Variants in MYLK3 observed in about 807,000 individuals in gnomAD.
MYLK3 encodes MLC kinase.
MYLK3 carries 55 observed loss-of-function variants against 76.3 expected under a neutral mutation model. That is an observed-to-expected ratio of 0.72 (90% CI 0.58 to 0.90). MYLK3 has a LOEUF of 0.90. Among genes scored for constraint, MYLK3 ranks in the 40% least tolerant of loss-of-function variants. The probability of loss-of-function intolerance (pLI) is 0.00; values close to 1 mark genes in which losing one functional copy is unlikely to be tolerated. For missense variants in MYLK3, 973 were observed against 1,053.6 expected, an observed-to-expected ratio of 0.92 and a Z score of 1.06; for synonymous variants, 416 against 425.4, an observed-to-expected ratio of 0.98 and a Z score of 0.27.
At chr16:46,723,963 T>C in intron 8 of MYLK3, among the ~76,000 whole-genome samples, 1 of 152,204 alleles carries the variant, frequency 6.6e-6, no homozygotes. Context: ...ACACTTTTTA[T>C]TGTCTGTCAT....
Position 46,762,428 on chromosome 16 carries a change from C to T in MYLK3, c.-114+612G>A, listed in dbSNP as rs180693391. On this transcript the variant is annotated intron_variant, in intron 1 of 11. Coordinates refer to the MYLK3 transcript ENST00000536476. ...GAGGAATTATTCTAGACAGATGATA[C>T]GCCTAAGAGACAGGTTTAACTAACC... Among the ~76,000 whole-genome samples the T allele has an allele frequency of 3.3e-5, 5 of 152,216 alleles. 1 individual carries two copies. Among genetic ancestry groups the T allele is most frequent in the East Asian group, 1.9e-4 (1 of 5,186 alleles).
At chr16:46,737,014 T>C (rs909589749) in intron 3 of MYLK3, among the ~76,000 whole-genome samples, 3 of 152,210 alleles carry the variant, frequency 2.0e-5, no homozygotes, top group Admixed American at 2.0e-4. Context: ...TGCTGAAAGC[T>C]CCTGGGGCTG....
Position 46,738,008 on chromosome 16 carries a change from G to A in MYLK3, c.704C>T (p.Ala235Val), listed in dbSNP as rs1308718094. The A allele has an allele frequency of 3.1e-6, 5 of 1,613,404 alleles. No individual in the cohort carries two copies. In the South Asian group the frequency reaches 4.4e-5, roughly 14 times the overall value. ...QGDGVPGPAQ[A>V]FPGHLPLPTK... ...GGGCAGGGGCAGGTGGCCAGGGAATGCCTGGGCTGGGCCAGGAACACCATC... is the reference window on the plus strand; with the variant it reads ...GGGCAGGGGCAGGTGGCCAGGGAATACCTGGGCTGGGCCAGGAACACCATC... Residue 235 changes from alanine (A) to valine (V), a missense_variant, in exon 3 of 13, where the codon GCA becomes GTA. By Grantham distance (64) the Ala-to-Val change is moderately conservative (BLOSUM62 0). Transcript: ENST00000394809.
intron 1 of MYLK3, among the ~76,000 whole-genome samples, chr16:46,746,573 A>G (rs1455358577): frequency 6.6e-6 from 1 of 152,114 alleles, no homozygotes; most frequent in African/African-American, 2.4e-5. Context: ...GGTTTGTGCC[A>G]CAATGCCTGG....
intron 1 of MYLK3, among the ~76,000 whole-genome samples, chr16:46,741,543 T>C (rs1344412329): frequency 6.6e-6 from 1 of 152,204 alleles, no homozygotes; most frequent in Non-Finnish European, 1.5e-5. Context: ...TCCTGGCACA[T>C]GTTACAGCAG....
intron 8 of MYLK3, among the ~76,000 whole-genome samples, chr16:46,723,859 G>A (rs1277259388): frequency 6.6e-6 from 1 of 152,206 alleles, no homozygotes; most frequent in Non-Finnish European, 1.5e-5. Context: ...ATGTTGGTCA[G>A]GCTGGGCTCA....
intron 12 of MYLK3, 72 bp from the exon 13 acceptor site, chr16:46,707,835 T>C (rs1966642137): frequency 3.5e-6 from 4 of 1,157,932 alleles, no homozygotes; most frequent in Admixed American, 2.0e-5. Context: ...GAAGAAACAA[T>C]AAAAGGATTT....
chr16:46,724,227 A>G lies in MYLK3; in HGVS notation c.1914+3009T>C, dbSNP rs114150084. 7.8e-3 allele frequency among the ~76,000 whole-genome samples: 1,192 copies of G among 152,268 alleles called. 15 individuals are homozygous for G. Among genetic ancestry groups the G allele is most frequent in the African/African-American group, 0.027 (1,138 of 41,538 alleles). On this transcript the variant is annotated intron_variant, in intron 8 of 12. Transcript: ENST00000394809. ...ATCCTTTATCTGATATATGATTTGGAAATATTTTCTCCCATTCTGTGAGCT... is the reference window on the plus strand; with the variant it reads ...ATCCTTTATCTGATATATGATTTGGGAATATTTTCTCCCATTCTGTGAGCT...
rs947170995 is a variant in MYLK3 at position 46,702,657 on chromosome 16, C to T, written c.*5047G>A. Among the ~76,000 whole-genome samples, 2 of 152,186 alleles carry T rather than the reference C, an allele frequency of 1.3e-5. No individual in the cohort carries two copies. Among genetic ancestry groups the T allele is most frequent in the Non-Finnish European group, 1.5e-5 (1 of 68,034 alleles). On this transcript the variant is annotated 3_prime_UTR_variant, in exon 13 of 13. Transcript: ENST00000394809. ...TACATGCGGGCCAGGCGCAGTGGCT[C>T]ACACCTGTAATCCCAGCACTTTGGG...
At chr16:46,752,205 G>T (rs1567293229), upstream of MYLK3, among the ~76,000 whole-genome samples, 1 of 152,020 alleles carries the variant, frequency 6.6e-6, no homozygotes, top group Non-Finnish European at 1.5e-5. Flanking sequence ...GGGATCATGG[G>T]GTGAGAGAGA....
chr16:46,738,184 G>C lies in MYLK3; in HGVS notation c.569-41C>G, dbSNP rs145258517. ...CAGGACAAAAATGCACTCCCATGTG[G>C]AGGAGTCTGCCACAAAGATACTGCA... On this transcript the variant is annotated intron_variant, in intron 2 of 12. Transcript: ENST00000394809. 23 of 1,443,434 alleles carry C rather than the reference G, an allele frequency of 1.6e-5. No individual in the cohort carries two copies. The African/African-American group carries it at 3.1e-4, about 19-fold the overall frequency. The allele number at this position is 1,443,434 out of a possible 1,614,324, so 89.4% of individuals were successfully genotyped here.
In MYLK3 at chr16:46,748,322, C is replaced by A; in HGVS notation, c.-129G>T. The A allele has an allele frequency of 7.0e-7, 1 of 1,435,446 alleles. No homozygotes were observed. The highest frequency in any genetic ancestry group is 2.4e-4 in the Middle Eastern group (1 of 4,082). 88.9% of individuals were successfully genotyped at this position (1,435,446 alleles called of 1,614,324 possible). A position where few individuals can be genotyped will look rare whatever the true frequency, so the allele number is the denominator to read the frequency against. On this transcript the variant is annotated 5_prime_UTR_variant, in exon 1 of 13. In the 5' UTR this introduces an upstream ATG that the reference lacks. Transcript: ENST00000394809. This position sits in a 1 kb window ranked among gnomAD's most constrained non-coding sequence, Gnocchi z 4.3. ...CTGACAGACTCCTGGCAGCACCAAC[C>A]TCCACGATGGCCTGGGCTGTGTGAG...
upstream of MYLK3, among the ~76,000 whole-genome samples, chr16:46,753,032 G>A (rs1216470215): frequency 6.6e-6 from 1 of 152,186 alleles, no homozygotes; most frequent in African/African-American, 2.4e-5. Flanking sequence ...AGGGGCCATT[G>A]GTGAATGAGT....
At chr16:46,730,071 C>T (rs1966849412) in intron 5 of MYLK3, 6 of 395,918 alleles carry the variant, frequency 1.5e-5, no homozygotes, top group South Asian at 1.2e-4. Context: ...ACCACCCAGG[C>T]CATCCTGCAC....
intron 8 of MYLK3, among the ~76,000 whole-genome samples, chr16:46,724,419 T>C (rs1966829864): frequency 1.3e-5 from 2 of 152,218 alleles, no homozygotes; most frequent in South Asian, 4.1e-4. Flanking sequence ...AACAATTTTA[T>C]AGTTTTAGCT....
chr16:46,749,097 G>A (rs775573910), upstream of MYLK3, among the ~76,000 whole-genome samples: 1 of 152,238 alleles, frequency 6.6e-6, no homozygotes, highest in Admixed American at 6.5e-5. Flanking sequence ...GTTTCCTGTG[G>A]TTTACAAACG....
intron 2 of MYLK3, among the ~76,000 whole-genome samples, chr16:46,739,501 T>C (rs1339843898): frequency 6.6e-6 from 1 of 152,080 alleles, no homozygotes; most frequent in Admixed American, 6.5e-5. Flanking sequence ...CACTTAGACG[T>C]AGATTTTCTT....
chr16:46,754,901 CTT>C (rs35429909), intron 1 of MYLK3, among the ~76,000 whole-genome samples: 5 of 143,958 alleles, frequency 3.5e-5, no homozygotes, highest in Admixed American at 7.0e-5. Context: ...ACAATTCGTG[CTT>C]TTTTTTTTTT....
exon 1 of MYLK3, chr16:46,763,239 G>A (rs1260765683): frequency 7.1e-6 from 7 of 985,296 alleles, no homozygotes; most frequent in Admixed American, 6.2e-5. Context: ...TCTGCTGGTC[G>A]GCCCTCTGAG....
Sources: allele counts gnomAD v4.1 joint callset (sites outside exome capture counted in the v4.1 genomes callset), GRCh38; gene constraint gnomAD v4.1.1; non-coding constraint Gnocchi (gnomAD v3.1); transcripts MANE v1.5; gene names NCBI Gene and HGNC (gene_info 2026-07-23, HGNC 2026-07-21).